LARS2: variants seen among roughly 807,000 people sequenced by gnomAD.
The protein encoded by LARS2 is leucine--tRNA ligase, mitochondrial.
LARS2 carries 81 observed loss-of-function variants against 116.6 expected under a neutral mutation model. The observed-to-expected ratio is 0.69, with a 90% CI of 0.58 to 0.84. LARS2 has a LOEUF of 0.84. Ranked by LOEUF, LARS2 falls within the 40% of genes least tolerant of loss-of-function variation. The pLI is 0.00. For missense variants in LARS2, 968 were observed against 1,114.5 expected, an observed-to-expected ratio of 0.87 and a Z score of 1.87; for synonymous variants, 396 against 407.2, an observed-to-expected ratio of 0.97 and a Z score of 0.33.
At chr3:45,480,295 T>A (rs1699677541) in intron 10 of LARS2, among the ~76,000 whole-genome samples, 1 of 152,244 alleles carries the variant, frequency 6.6e-6, no homozygotes, top group Admixed American at 6.5e-5. Flanking sequence ...TCATAGGCAC[T>A]CTTGTCACAC....
chr3:45,470,486 G>A (rs1004029067), intron 8 of LARS2, among the ~76,000 whole-genome samples: 8 of 152,016 alleles, frequency 5.3e-5, no homozygotes, highest in East Asian at 1.9e-4. Flanking sequence ...AAACATCTTC[G>A]TTCAGATGGT....
chr3:45,481,899 T>C (rs974296094), intron 10 of LARS2, among the ~76,000 whole-genome samples: 2 of 152,210 alleles, frequency 1.3e-5, no homozygotes, highest in African/African-American at 4.8e-5. Flanking sequence ...TTTGGTGTTA[T>C]ATCTAAAACG....
intron 11 of LARS2, 152 bp downstream of exon 11, chr3:45,485,948 C>T: frequency 1.9e-6 from 1 of 540,502 alleles, no homozygotes; most frequent in Non-Finnish European, 3.3e-6. Context: ...ATTTAATCAT[C>T]CCTTGTTTCA....
intron 1 of LARS2, among the ~76,000 whole-genome samples, chr3:45,389,471 A>G (rs1317524465): frequency 6.6e-6 from 1 of 152,230 alleles, no homozygotes; most frequent in South Asian, 2.1e-4. Flanking sequence ...ATGATGCACA[A>G]GAAGGAAGGC....
chr3:45,398,957 T>G (rs969025686), intron 3 of LARS2, among the ~76,000 whole-genome samples: 3 of 152,180 alleles, frequency 2.0e-5, no homozygotes, highest in Non-Finnish European at 4.4e-5. Flanking sequence ...ATGACGACAT[T>G]CATCATTTTA....
At chr3:45,406,760 G>A (rs569304199) in intron 4 of LARS2, among the ~76,000 whole-genome samples, 1 of 152,298 alleles carries the variant, frequency 6.6e-6, no homozygotes, top group Non-Finnish European at 1.5e-5. Flanking sequence ...AGGTTTGGAT[G>A]TTTGAGCAGG....
intron 4 of LARS2, among the ~76,000 whole-genome samples, chr3:45,405,427 T>A (rs761431887): frequency 1.3e-5 from 2 of 152,264 alleles, no homozygotes; most frequent in Non-Finnish European, 2.9e-5. Context: ...ATTCAATGGA[T>A]GTTTTTAAAA....
intron 21 of LARS2, among the ~76,000 whole-genome samples, chr3:45,543,855 A>G (rs539785899): frequency 6.6e-6 from 1 of 152,364 alleles, no homozygotes; most frequent in East Asian, 1.9e-4. Context: ...CGGTTGAGAA[A>G]TGCTAACTTA....
chr3:45,480,569 A>G (rs1451585712), intron 10 of LARS2, among the ~76,000 whole-genome samples: 1 of 152,246 alleles, frequency 6.6e-6, no homozygotes, highest in Non-Finnish European at 1.5e-5. Flanking sequence ...TCACCTTCTT[A>G]GATTCCTGCA....
chr3:45,481,350 A>G (rs1318810326), intron 10 of LARS2, among the ~76,000 whole-genome samples: 1 of 152,114 alleles, frequency 6.6e-6, no homozygotes, highest in East Asian at 1.9e-4. Flanking sequence ...TTTTGTGTGG[A>G]TGTATGTTTT....
intron 20 of LARS2, among the ~76,000 whole-genome samples, chr3:45,536,622 A>G (rs985193629): frequency 6.6e-6 from 1 of 152,194 alleles, no homozygotes; most frequent in African/African-American, 2.4e-5. Flanking sequence ...TCGGGAGAAA[A>G]GTGCCTACAA....
intron 5 of LARS2, among the ~76,000 whole-genome samples, chr3:45,417,899 T>C (rs904161028): frequency 8.5e-5 from 13 of 152,240 alleles, no homozygotes; most frequent in African/African-American, 3.1e-4. Flanking sequence ...ATTTCTATAA[T>C]GCTTCTGGTC....
intron 14 of LARS2, among the ~76,000 whole-genome samples, chr3:45,499,813 C>G (rs899950443): frequency 3.9e-5 from 6 of 152,034 alleles, no homozygotes; most frequent in Non-Finnish European, 8.8e-5. Flanking sequence ...TAGCAAGATG[C>G]CTTTTTTTGC....
At chr3:45,422,408 T>C (rs902178352) in intron 6 of LARS2, 1 of 152,246 alleles carries the variant, frequency 6.6e-6, no homozygotes, top group Non-Finnish European at 1.5e-5. Context: ...CATACAGATA[T>C]GTACTTAGAC....
At chr3:45,446,240 A>G (rs1699015732) in intron 6 of LARS2, among the ~76,000 whole-genome samples, 1 of 152,252 alleles carries the variant, frequency 6.6e-6, no homozygotes, top group African/African-American at 2.4e-5. Context: ...GTTTTTAAGA[A>G]TTCTATAACA....
chr3:45,423,306 T>C (rs1178898400), intron 6 of LARS2, among the ~76,000 whole-genome samples: 1 of 152,094 alleles, frequency 6.6e-6, no homozygotes, highest in East Asian at 1.9e-4. Flanking sequence ...TAATTTACTG[T>C]TTCATTGTTT....
intron 20 of LARS2, among the ~76,000 whole-genome samples, chr3:45,537,032 G>C (rs775415517): frequency 1.3e-5 from 2 of 151,704 alleles, no homozygotes; most frequent in African/African-American, 2.4e-5. Flanking sequence ...CTCTGTGTGT[G>C]TGTGTGTGTG....
chr3:45,473,691 G>T lies in LARS2; in HGVS notation c.751-552G>T, dbSNP rs1157486059. On this transcript the variant is annotated intron_variant, in intron 8 of 21. Coordinates refer to ENST00000645846, the MANE Select transcript of LARS2 (RefSeq NM_015340.4). ...GAGCCACTGCACCTGGCCTGTTGTT[G>T]TTTTTTTTTTTTTTTTATCACACAT... Among the ~76,000 whole-genome samples, 100 of 127,290 alleles carry T rather than the reference G, an allele frequency of 7.9e-4. 1 individual carries two copies. Among genetic ancestry groups the T allele is most frequent in the African/African-American group, 1.4e-3 (44 of 32,470 alleles). 83.5% of individuals were successfully genotyped at this position (127,290 alleles called of 152,430 possible).
chr3:45,405,218 G>A (rs1698215912), intron 4 of LARS2, among the ~76,000 whole-genome samples: 1 of 151,400 alleles, frequency 6.6e-6, no homozygotes, highest in Non-Finnish European at 1.5e-5. Flanking sequence ...CCTCCCAAAG[G>A]GCTAGGATTA....
Sources: gnomAD v4.1 joint callset for allele counts (sites outside exome capture counted in the v4.1 genomes callset) on GRCh38, gnomAD v4.1.1 for gene constraint, MANE v1.5 for transcripts, NCBI Gene and HGNC (gene_info 2026-07-23, HGNC 2026-07-21) for gene names.